RBFOX1: variants seen among roughly 807,000 people sequenced by gnomAD.
RBFOX1 encodes the protein RNA binding fox-1 homolog 1, also known as RNA binding protein fox-1 homolog 1.
In RBFOX1, 8 loss-of-function variants were observed where a neutral mutation model predicts 57.7. The ratio of observed to expected loss-of-function variants is 0.14; its 90% CI spans 0.08 to 0.25. RBFOX1 has a LOEUF of 0.25. Among genes scored for constraint, RBFOX1 ranks in the 10% least tolerant of loss-of-function variants. The probability of loss-of-function intolerance (pLI) is 1.00; values close to 1 mark genes in which losing one functional copy is unlikely to be tolerated. For synonymous variants in RBFOX1, 326 were observed against 222.4 expected (o/e 1.47, Z -4.15); for missense variants, 611 against 548.5 (o/e 1.11, Z -1.14).
At chr16:7,168,802 C>G (rs1299874419) in intron 4 of RBFOX1, among the ~76,000 whole-genome samples, 1 of 152,162 alleles carries the variant, frequency 6.6e-6, no homozygotes, top group Admixed American at 6.5e-5. Context: ...TGCCAATAAA[C>G]TGTTATTCTA....
rs116785164 is a variant in RBFOX1 at position 5,696,757 on chromosome 16, G to A, written c.318+97796G>A. ...GCCTTCCCATCTATGAATACAGTATGTCTTACCATTTTTGAAGACTTTCTT... is the reference window on the plus strand; with the variant it reads ...GCCTTCCCATCTATGAATACAGTATATCTTACCATTTTTGAAGACTTTCTT... On this transcript the variant is annotated intron_variant, in intron 3 of 19. Coordinates refer to the RBFOX1 transcript ENST00000641259. 7.8e-3 allele frequency among the ~76,000 whole-genome samples: 1,184 copies of A among 152,154 alleles called. 18 individuals are homozygous for A. The highest frequency in any genetic ancestry group is 0.027 in the African/African-American group (1,129 of 41,494).
intron 4 of RBFOX1, among the ~76,000 whole-genome samples, chr16:7,102,498 G>A (rs1483931306): frequency 6.6e-6 from 1 of 152,158 alleles, no homozygotes; most frequent in African/African-American, 2.4e-5. Flanking sequence ...AGAGACCAAA[G>A]TAGATCTTAT....
chr16:6,024,203 G>A (rs1235945699), intron 1 of RBFOX1, among the ~76,000 whole-genome samples: 3 of 152,166 alleles, frequency 2.0e-5, no homozygotes, highest in African/African-American at 4.8e-5. Context: ...GCTAATGCAA[G>A]AAATATTTAT....
chr16:5,638,629 A>G (rs1450394108), intron 3 of RBFOX1, among the ~76,000 whole-genome samples: 1 of 152,172 alleles, frequency 6.6e-6, no homozygotes, highest in Admixed American at 6.5e-5. Flanking sequence ...TCTTGTATTC[A>G]TAAGTTTTTA....
At position 6,716,202 on chromosome 16, in the gene RBFOX1, T is replaced by C. The variant is rs146573018; in HGVS notation, c.-16+61552T>C. On this transcript the variant is annotated intron_variant, in intron 3 of 15. Transcript: ENST00000550418. ...TTATAATACCTTTCTAATAATGTTG[T>C]TTACAAAAATGATGCAAGAAATTGC... Among the ~76,000 whole-genome samples, 1,053 of 152,342 alleles carry C rather than the reference T, an allele frequency of 6.9e-3. 5 individuals are homozygous for C. Among genetic ancestry groups the C allele is most frequent in the Non-Finnish European group, 9.0e-3 (611 of 68,032 alleles).
intron 4 of RBFOX1, among the ~76,000 whole-genome samples, chr16:7,259,383 C>A (rs543056310): frequency 1.3e-5 from 2 of 152,054 alleles, no homozygotes; most frequent in Non-Finnish European, 2.9e-5. Flanking sequence ...GCACACATCA[C>A]ATATAAGATA....
intron 4 of RBFOX1, among the ~76,000 whole-genome samples, chr16:5,955,324 AAT>A: frequency 5.5e-5 from 2 of 36,674 alleles, no homozygotes; most frequent in African/African-American, 3.5e-4. Context: ...AATAAAATAA[AAT>A]AAAATAAAAT....
intron 2 of RBFOX1, among the ~76,000 whole-genome samples, chr16:6,565,696 C>T (rs2097255294): frequency 6.6e-6 from 1 of 152,122 alleles, no homozygotes; most frequent in African/African-American, 2.4e-5. Flanking sequence ...TCTCGATCTC[C>T]TGACCTCGTG....
chr16:7,401,248 T>A (rs2098237978), intron 4 of RBFOX1, among the ~76,000 whole-genome samples: 1 of 152,260 alleles, frequency 6.6e-6, no homozygotes, highest in South Asian at 2.1e-4. Flanking sequence ...GAAGTCAAAC[T>A]ACAAATAACT....
At chr16:6,909,528 C>T (rs1010220559) in intron 3 of RBFOX1, among the ~76,000 whole-genome samples, 1 of 152,206 alleles carries the variant, frequency 6.6e-6, no homozygotes, top group African/African-American at 2.4e-5. Context: ...GGCGTTCCAC[C>T]TGTGTGATGG....
intron 4 of RBFOX1, among the ~76,000 whole-genome samples, chr16:5,880,535 GAAT>G (rs1486179516): frequency 6.6e-6 from 1 of 152,188 alleles, no homozygotes; most frequent in Non-Finnish European, 1.5e-5. Context: ...GATTTGGGAA[GAAT>G]AATATTAGCT....
chr16:6,808,867 A>G (rs1423666254), intron 3 of RBFOX1, among the ~76,000 whole-genome samples: 1 of 152,134 alleles, frequency 6.6e-6, no homozygotes, highest in Non-Finnish European at 1.5e-5. Flanking sequence ...TTCCTGTAAC[A>G]CCTTTAGCAG....
intron 4 of RBFOX1, among the ~76,000 whole-genome samples, chr16:7,088,041 C>A (rs997453554): frequency 2.6e-5 from 4 of 152,140 alleles, no homozygotes; most frequent in African/African-American, 7.2e-5. Flanking sequence ...CATGTGCTCG[C>A]ATTTCCAGTG....
intron 1 of RBFOX1, among the ~76,000 whole-genome samples, chr16:5,405,789 GTGTGACT>G (rs1231662241): frequency 2.6e-5 from 4 of 152,136 alleles, no homozygotes; most frequent in African/African-American, 9.7e-5. Flanking sequence ...TGGGTGTGGA[GTGTGACT>G]GGGGGGCATC....
intron 3 of RBFOX1, among the ~76,000 whole-genome samples, chr16:5,653,985 G>A (rs1004317252): frequency 3.3e-5 from 5 of 152,214 alleles, no homozygotes; most frequent in African/African-American, 1.2e-4. Context: ...GGCCACTCAC[G>A]CAGCAGGGTG....
At chr16:6,370,362 GAAAAAAAAA>G (rs71145221) in intron 2 of RBFOX1, among the ~76,000 whole-genome samples, 4 of 81,976 alleles carry the variant, frequency 4.9e-5, no homozygotes, top group African/African-American at 9.7e-5. Flanking sequence ...CGTCTCAAAA[GAAAAAAAAA>G]AAAAAAAAAA....
Position 6,309,752 on chromosome 16 carries a change from A to G in RBFOX1, c.-126-7243A>G, listed in dbSNP as rs536181956. 2.2e-4 allele frequency among the ~76,000 whole-genome samples: 34 copies of G among 152,282 alleles called. 1 individual carries two copies. The South Asian group carries it at 7.1e-3, about 32-fold the overall frequency. On this transcript the variant is annotated intron_variant, in intron 1 of 15. Transcript: ENST00000550418. ...CCTACAGAGGGAGGCTGGGAGGAAC[A>G]GAAGCAGACACAGAGACTATACCTG...
At chr16:6,918,510 C>G (rs994759261) in intron 3 of RBFOX1, among the ~76,000 whole-genome samples, 9 of 152,086 alleles carry the variant, frequency 5.9e-5, no homozygotes, top group Non-Finnish European at 1.0e-4. Context: ...TCTGCCTGGG[C>G]CCTAATTCAT....
intron 1 of RBFOX1, among the ~76,000 whole-genome samples, chr16:6,265,358 T>G (rs1350324404): frequency 6.6e-6 from 1 of 152,062 alleles, no homozygotes. Flanking sequence ...GCCTCCCAAG[T>G]TCAAGTGATT....
Sources: gnomAD v4.1 joint callset for allele counts (sites outside exome capture counted in the v4.1 genomes callset) on GRCh38, gnomAD v4.1.1 for gene constraint, MANE v1.5 for transcripts, NCBI Gene and HGNC (gene_info 2026-07-23, HGNC 2026-07-21) for gene names.